Variants in PLCXD3 observed in about 807,000 individuals in gnomAD.
The protein encoded by PLCXD3 is phosphatidylinositol specific phospholipase C X domain containing 3.
In PLCXD3, 19 loss-of-function variants were observed where a neutral mutation model predicts 25.5. The observed-to-expected ratio is 0.75, with a 90% CI of 0.52 to 1.09. The LOEUF (loss-of-function observed/expected upper bound fraction) is 1.09. Ranked by LOEUF, PLCXD3 falls within the 50% of genes least tolerant of loss-of-function variation. The probability of loss-of-function intolerance (pLI) is 0.00; values close to 1 mark genes in which losing one functional copy is unlikely to be tolerated. For missense variants in PLCXD3, 411 were observed against 388.1 expected (o/e 1.06, Z -0.50); for synonymous variants, 174 against 137.6 (o/e 1.26, Z -1.85).
At chr5:41,493,743 G>A (rs1245522659) in intron 1 of PLCXD3, among the ~76,000 whole-genome samples, 3 of 152,216 alleles carry the variant, frequency 2.0e-5, no homozygotes, top group Non-Finnish European at 4.4e-5. Flanking sequence ...TCCGAGCCAG[G>A]TGCCGGGTAT....
intron 1 of PLCXD3, among the ~76,000 whole-genome samples, chr5:41,419,495 G>A (rs1469744817): frequency 6.6e-6 from 1 of 152,096 alleles, no homozygotes; most frequent in African/African-American, 2.4e-5. Flanking sequence ...CCAAGACATG[G>A]TTGAAGTTTT....
intron 1 of PLCXD3, chr5:41,475,613 C>T: frequency 1.9e-6 from 1 of 534,774 alleles, no homozygotes; most frequent in Non-Finnish European, 3.8e-6. Flanking sequence ...CAGGTCTCTT[C>T]AGGTCTCTGT....
At chr5:41,358,443 T>C (rs532007872) in intron 2 of PLCXD3, among the ~76,000 whole-genome samples, 7 of 152,272 alleles carry the variant, frequency 4.6e-5, no homozygotes, top group African/African-American at 1.7e-4. Context: ...AGTCTTTTAT[T>C]CCTCACCCCC....
chr5:41,457,828 G>A (rs1747787925), intron 1 of PLCXD3, among the ~76,000 whole-genome samples: 2 of 151,956 alleles, frequency 1.3e-5, no homozygotes, highest in South Asian at 2.1e-4. Flanking sequence ...GAAAGACTGG[G>A]CCTTCCCTAT....
intron 1 of PLCXD3, among the ~76,000 whole-genome samples, chr5:41,486,774 A>T (rs1748527623): frequency 6.6e-6 from 1 of 152,204 alleles, no homozygotes; most frequent in Admixed American, 6.5e-5. Context: ...TATGTATATT[A>T]TCCTCTTGAA....
chr5:41,366,187 G>A (rs319002), intron 2 of PLCXD3, among the ~76,000 whole-genome samples: 14,040 of 151,676 alleles, frequency 0.093, 787 homozygotes, highest in Non-Finnish European at 0.12. Context: ...GAGAACATGC[G>A]CCCCACCTCA....
intron 1 of PLCXD3, among the ~76,000 whole-genome samples, chr5:41,491,356 A>G (rs1004071246): frequency 9.9e-5 from 15 of 152,186 alleles, no homozygotes; most frequent in Non-Finnish European, 2.1e-4. Flanking sequence ...ACTTCCAACT[A>G]TATGGTCAAT....
At chr5:41,420,723 A>G (rs1746799494) in intron 1 of PLCXD3, among the ~76,000 whole-genome samples, 1 of 152,218 alleles carries the variant, frequency 6.6e-6, no homozygotes, top group African/African-American at 2.4e-5. Flanking sequence ...ATAATTGTAT[A>G]CAATAAGCCA....
intron 2 of PLCXD3, among the ~76,000 whole-genome samples, chr5:41,354,458 C>T (rs1744561948): frequency 6.6e-6 from 1 of 152,154 alleles, no homozygotes; most frequent in East Asian, 1.9e-4. Context: ...CCTCCCCTTT[C>T]CCTAAAACAA....
intron 1 of PLCXD3, among the ~76,000 whole-genome samples, chr5:41,494,477 A>G (rs1748791622): frequency 6.6e-6 from 1 of 152,194 alleles, no homozygotes; most frequent in African/African-American, 2.4e-5. Context: ...TGGTTTTAGG[A>G]TTTAAGTAAA....
At chr5:41,381,715 G>T in intron 2 of PLCXD3, 111 bp downstream of exon 2, 2 of 947,878 alleles carry the variant, frequency 2.1e-6, no homozygotes, top group East Asian at 5.1e-5. Flanking sequence ...TGCTATTGCA[G>T]CCCCAGGGAC....
chr5:41,475,573 T>C, intron 1 of PLCXD3: 1 of 530,574 alleles, frequency 1.9e-6, no homozygotes, highest in Non-Finnish European at 3.9e-6. Context: ...CTTATCTCTG[T>C]TTATCCCTGT....
chr5:41,385,304 A>C lies in PLCXD3; in HGVS notation c.104-2770T>G, dbSNP rs374674679. ...GCTTCTGACCTTTTATTCTTCTCTC[A>C]TCCACAGTCTCAAACTCATATCTTG... On this transcript the variant is annotated intron_variant, in intron 1 of 2. Transcript: ENST00000377801. Among the ~76,000 whole-genome samples the C allele has an allele frequency of 2.6e-5, 4 of 152,082 alleles. No individual in the cohort carries two copies. In the South Asian group the frequency reaches 8.3e-4, roughly 32 times the overall value.
At chr5:41,457,238 A>C (rs547425008) in intron 1 of PLCXD3, among the ~76,000 whole-genome samples, 17 of 152,086 alleles carry the variant, frequency 1.1e-4, no homozygotes, top group African/African-American at 3.9e-4. Flanking sequence ...GCCACTGGAA[A>C]GCGATTTGCA....
At chr5:41,490,714 A>T (rs1237609375) in intron 1 of PLCXD3, among the ~76,000 whole-genome samples, 2 of 152,074 alleles carry the variant, frequency 1.3e-5, no homozygotes, top group African/African-American at 4.8e-5. Context: ...TTTCTAGTTT[A>T]TTTGCATAGA....
chr5:41,510,268 T>C (rs536219996), intron 1 of PLCXD3, among the ~76,000 whole-genome samples, 156 bp downstream of exon 1: 31 of 152,302 alleles, frequency 2.0e-4, no homozygotes, highest in African/African-American at 7.2e-4. Context: ...AGCCCAAGGC[T>C]ACCCGGCACG....
chr5:41,364,540 T>C (rs1744882136), intron 2 of PLCXD3, among the ~76,000 whole-genome samples: 2 of 152,160 alleles, frequency 1.3e-5, no homozygotes, highest in Non-Finnish European at 2.9e-5. Context: ...GCAAGAAAAT[T>C]AAAGCAACTT....
rs1207694025 is a variant in PLCXD3 at position 41,369,406 on chromosome 5, A to G, written c.812+12420T>C. Among the ~76,000 whole-genome samples the G allele has an allele frequency of 2.0e-5, 3 of 152,168 alleles. No individual in the cohort carries two copies. In the East Asian group the frequency reaches 5.8e-4, roughly 29 times the overall value. On this transcript the variant is annotated intron_variant, in intron 2 of 2. Coordinates refer to ENST00000377801, the MANE Select transcript of PLCXD3 (RefSeq NM_001005473.3). ...TTTTGAAAAACAGGCAACCTGAATT[A>G]AACTCTTGAAAATGAACCACAAAAA...
At chr5:41,356,699 A>G (rs914191576) in intron 2 of PLCXD3, among the ~76,000 whole-genome samples, 1 of 152,206 alleles carries the variant, frequency 6.6e-6, no homozygotes, top group African/African-American at 2.4e-5. Flanking sequence ...ATTAATATTT[A>G]CTGAAACACA....
Sources: allele counts gnomAD v4.1 joint callset (sites outside exome capture counted in the v4.1 genomes callset), GRCh38; gene constraint gnomAD v4.1.1; transcripts MANE v1.5; gene names NCBI Gene and HGNC (gene_info 2026-07-23, HGNC 2026-07-21).